Variants in CTNNA3 observed in about 807,000 individuals in gnomAD.
CTNNA3 encodes catenin alpha-3.
In CTNNA3, 76 loss-of-function variants were observed where a neutral mutation model predicts 95.7. The observed-to-expected ratio is 0.79, with a 90% CI of 0.66 to 0.96. The LOEUF (loss-of-function observed/expected upper bound fraction) is 0.96. CTNNA3 is among the 40% of genes least tolerant of loss of function. The pLI is 0.00. For synonymous variants in CTNNA3, 431 were observed against 374.4 expected, an observed-to-expected ratio of 1.15 and a Z score of -1.74; for missense variants, 1,191 against 1,089.8, an observed-to-expected ratio of 1.09 and a Z score of -1.31.
chr10:67,192,597 A>C (rs1037245365), intron 6 of CTNNA3, among the ~76,000 whole-genome samples: 1 of 151,938 alleles, frequency 6.6e-6, no homozygotes, highest in Admixed American at 6.6e-5. Context: ...TTAAAAAGAC[A>C]AGAGATAATA....
intron 15 of CTNNA3, among the ~76,000 whole-genome samples, chr10:66,065,041 A>G (rs1189264035): frequency 1.3e-5 from 2 of 152,170 alleles, no homozygotes; most frequent in African/African-American, 4.8e-5. Flanking sequence ...GGAAAAAATG[A>G]ATTATTTAAA....
chr10:66,662,129 C>G (rs1369396096), intron 9 of CTNNA3, among the ~76,000 whole-genome samples: 2 of 152,126 alleles, frequency 1.3e-5, no homozygotes, highest in African/African-American at 4.8e-5. Context: ...ATCTAAAATT[C>G]AAATCTAACA....
chr10:65,928,718 T>C (rs765276325), intron 17 of CTNNA3, among the ~76,000 whole-genome samples: 1 of 152,184 alleles, frequency 6.6e-6, no homozygotes, highest in Non-Finnish European at 1.5e-5. Context: ...CCTCACTCCA[T>C]CTACCAGGAG....
chr10:67,567,319 A>T (rs10997724), intron 3 of CTNNA3, among the ~76,000 whole-genome samples: 30,019 of 151,860 alleles, frequency 0.2, 4,948 homozygotes, highest in African/African-American at 0.46. Context: ...TATCATTATC[A>T]TAAGTGAAAC....
intron 7 of CTNNA3, among the ~76,000 whole-genome samples, chr10:66,783,456 C>CTGGA (rs1395496808): frequency 6.6e-6 from 1 of 152,134 alleles, no homozygotes; most frequent in East Asian, 1.9e-4. Context: ...ATCAGAGGAT[C>CTGGA]TGGAGTAAGA....
chr10:67,731,338 T>A (rs1382365132), intron 1 of CTNNA3, among the ~76,000 whole-genome samples: 3 of 151,046 alleles, frequency 2.0e-5, no homozygotes, highest in Admixed American at 1.3e-4. Flanking sequence ...GCAAATAGGG[T>A]GACACCCTGT....
chr10:67,758,235 C>T (rs1332775155), intron 1 of CTNNA3, among the ~76,000 whole-genome samples: 1 of 151,658 alleles, frequency 6.6e-6, no homozygotes, highest in Non-Finnish European at 1.5e-5. Context: ...TTCTCAGCCT[C>T]CTTAACCACA....
intron 12 of CTNNA3, among the ~76,000 whole-genome samples, chr10:66,330,530 T>TA (rs1226646307): frequency 1.3e-5 from 2 of 152,090 alleles, no homozygotes; most frequent in Admixed American, 1.3e-4. Context: ...ACAGTAAACA[T>TA]ACGTGTGCAT....
chr10:66,635,925 C>A (rs953622040), intron 9 of CTNNA3, among the ~76,000 whole-genome samples: 2 of 151,130 alleles, frequency 1.3e-5, no homozygotes, highest in Admixed American at 1.3e-4. Context: ...AATTATAATC[C>A]CAGAGAAAGC....
chr10:66,487,329 G>A (rs1839772748), intron 11 of CTNNA3, among the ~76,000 whole-genome samples: 1 of 151,136 alleles, frequency 6.6e-6, no homozygotes, highest in African/African-American at 2.4e-5. Context: ...AGCCTCCCAA[G>A]TAGCTGGGAC....
At chr10:66,620,610 A>G (rs1026310613) in intron 10 of CTNNA3, among the ~76,000 whole-genome samples, 6 of 152,126 alleles carry the variant, frequency 3.9e-5, no homozygotes, top group Non-Finnish European at 8.8e-5. Context: ...TCATTCAACT[A>G]CTTTAGAGAC....
At chr10:67,010,656 A>G (rs1303258312) in intron 7 of CTNNA3, among the ~76,000 whole-genome samples, 1 of 152,180 alleles carries the variant, frequency 6.6e-6, no homozygotes, top group Admixed American at 6.5e-5. Context: ...CTCACATATC[A>G]GTAGCTGCTA....
chr10:66,063,791 C>T (rs1298517175), intron 15 of CTNNA3, among the ~76,000 whole-genome samples: 4 of 151,742 alleles, frequency 2.6e-5, no homozygotes, highest in Non-Finnish European at 5.9e-5. Context: ...ATTCTATTTT[C>T]ATTATTGTAA....
chr10:66,461,183 C>T (rs1174605432), intron 11 of CTNNA3, among the ~76,000 whole-genome samples: 1 of 151,974 alleles, frequency 6.6e-6, no homozygotes, highest in East Asian at 1.9e-4. Flanking sequence ...GTGCGCATTT[C>T]CCCAGGAATC....
chr10:66,997,737 A>G (rs1474820242), intron 7 of CTNNA3, among the ~76,000 whole-genome samples: 8 of 152,122 alleles, frequency 5.3e-5, no homozygotes, highest in African/African-American at 1.9e-4. Flanking sequence ...ATAACAATCT[A>G]TAAGAGAATT....
chr10:67,266,308 T>A (rs917842255), intron 5 of CTNNA3, among the ~76,000 whole-genome samples: 1 of 152,108 alleles, frequency 6.6e-6, no homozygotes, highest in African/African-American at 2.4e-5. Flanking sequence ...ATATATATGT[T>A]CTACCCCTCT....
chr10:66,013,039 T>C (rs942078613), intron 15 of CTNNA3, among the ~76,000 whole-genome samples: 1 of 152,190 alleles, frequency 6.6e-6, no homozygotes, highest in Non-Finnish European at 1.5e-5. Flanking sequence ...TAGCTGGGAT[T>C]ACAGGCATGT....
intron 12 of CTNNA3, among the ~76,000 whole-genome samples, chr10:66,318,276 ATGTGTGTGTGTGTG>A (rs138734509): frequency 1.5e-5 from 2 of 136,660 alleles, no homozygotes; most frequent in East Asian, 2.2e-4. Context: ...ATATATATAT[ATGTGTGTGTGTGTG>A]TGTGTGTGTG....
intron 3 of CTNNA3, among the ~76,000 whole-genome samples, chr10:67,571,161 C>T (rs1841961955): frequency 6.6e-6 from 1 of 151,976 alleles, no homozygotes; most frequent in African/African-American, 2.4e-5. Context: ...ATTTATGTGT[C>T]TTGATGAGAT....
Sources: allele counts gnomAD v4.1 joint callset (sites outside exome capture counted in the v4.1 genomes callset), GRCh38; gene constraint gnomAD v4.1.1; transcripts MANE v1.5; gene names NCBI Gene and HGNC (gene_info 2026-07-23, HGNC 2026-07-21).